Variants in SNRPA1 observed in about 807,000 individuals in gnomAD.
SNRPA1 encodes small nuclear ribonucleoprotein polypeptide A', also known as U2 small nuclear ribonucleoprotein A'.
Under a neutral mutation model 32.3 loss-of-function variants are expected in SNRPA1, and 5 were observed. The ratio of observed to expected loss-of-function variants is 0.15; its 90% CI spans 0.08 to 0.33. The LOEUF is 0.33. SNRPA1 is among the 10% of genes least tolerant of loss of function. The probability of loss-of-function intolerance (pLI) is 1.00; values close to 1 mark genes in which losing one functional copy is unlikely to be tolerated. For synonymous variants in SNRPA1, 111 were observed against 120.1 expected (o/e 0.92, Z 0.50); for missense variants, 198 against 311.1 (o/e 0.64, Z 2.74).
At position 101,284,037 on chromosome 15, in the gene SNRPA1, C is replaced by T. The variant is rs377409550; in HGVS notation, c.709+930G>A. On this transcript the variant is annotated intron_variant, in intron 8 of 8. Coordinates refer to ENST00000254193, the MANE Select transcript of SNRPA1 (RefSeq NM_003090.4). ...AGACGGCAGTCTGAGTGGCTGTCCC[C>T]AGTTACATTCATATCAAAACTTGTA... is the stretch of plus-strand genomic sequence containing the variant. Among the ~76,000 whole-genome samples, 235 of 152,374 alleles carry T rather than the reference C, an allele frequency of 1.5e-3. 1 individual carries two copies. The highest frequency in any genetic ancestry group is 9.5e-3 in the South Asian group (46 of 4,830).
At chr15:101,286,409 A>AC (rs1335832098) in intron 5 of SNRPA1, 116 bp from the exon 6 acceptor site, 1 of 785,660 alleles carries the variant, frequency 1.3e-6, no homozygotes, top group Non-Finnish European at 2.0e-6. Context: ...TGGTGAAAAT[A>AC]CCAAAAAGCA....
chr15:101,294,079 CA>C (rs2039559069), intron 1 of SNRPA1, among the ~76,000 whole-genome samples: 1 of 152,088 alleles, frequency 6.6e-6, no homozygotes, highest in Admixed American at 6.5e-5. Flanking sequence ...ACTAAAAATA[CA>C]AAAAATTAGC....
At position 101,295,226 on chromosome 15, in the gene SNRPA1, G is replaced by C; in HGVS notation, c.-48C>G. On this transcript the variant is annotated 5_prime_UTR_variant, in exon 1 of 9. Transcript: ENST00000254193. ...CGCTGTGGAAAGCCCGTGGCCTCCCGCCAGCGAGACGTCCCAGCGTGCCCC... is the reference window on the plus strand; with the variant it reads ...CGCTGTGGAAAGCCCGTGGCCTCCCCCCAGCGAGACGTCCCAGCGTGCCCC... The C allele has an allele frequency of 6.9e-7, 1 of 1,453,318 alleles. No homozygotes were observed. The highest frequency in any genetic ancestry group is 1.3e-5 in the South Asian group (1 of 75,824). 90.0% of individuals were successfully genotyped at this position (1,453,318 alleles called of 1,614,324 possible). A position where few individuals can be genotyped will look rare whatever the true frequency, so the allele number is the denominator to read the frequency against.
rs545635162 is a variant in SNRPA1 at position 101,287,584 on chromosome 15, T to A, written c.356+72A>T. 3.5e-4 allele frequency: 446 copies of A among 1,289,408 alleles called. 7 individuals are homozygous for A. In the East Asian group the frequency reaches 0.01, roughly 29 times the overall value. 79.9% of individuals were successfully genotyped at this position (1,289,408 alleles called of 1,614,324 possible). A position where few individuals can be genotyped will look rare whatever the true frequency, so the allele number is the denominator to read the frequency against. On this transcript the variant is annotated intron_variant, in intron 4 of 8. Transcript: ENST00000254193. Reference sequence around the variant, plus strand: ...CACATTTTTTAATTATCTGATTACATTAAGGTCAAGGCTGGTAAAAGTAAT... The same window carrying A: ...CACATTTTTTAATTATCTGATTACAATAAGGTCAAGGCTGGTAAAAGTAAT...
chr15:101,282,749 T>C (rs535595588), intron 8 of SNRPA1, among the ~76,000 whole-genome samples: 3 of 152,234 alleles, frequency 2.0e-5, no homozygotes, highest in Non-Finnish European at 4.4e-5. Flanking sequence ...TTAATTCACA[T>C]GCACATAACA....
intron 8 of SNRPA1, among the ~76,000 whole-genome samples, chr15:101,283,046 T>C (rs182418528): frequency 6.6e-6 from 1 of 152,270 alleles, no homozygotes; most frequent in East Asian, 1.9e-4. Context: ...CGAGGAGTGA[T>C]ATTTAATTAT....
intron 1 of SNRPA1, 85 bp from the exon 2 acceptor site, chr15:101,293,257 C>G (rs928364212): frequency 3.3e-6 from 3 of 907,704 alleles, no homozygotes; most frequent in Non-Finnish European, 4.9e-6. Context: ...TTCATAGTAT[C>G]TGACTCCAGG....
At chr15:101,284,922 G>A (rs775623329) in intron 8 of SNRPA1, 45 bp downstream of exon 8, 1 of 1,419,728 alleles carries the variant, frequency 7.0e-7, no homozygotes, top group Non-Finnish European at 1.0e-6. Flanking sequence ...GTTACACTCT[G>A]AGTGTAACAT....
chr15:101,286,866 C>A, intron 5 of SNRPA1, 42 bp downstream of exon 5: 1 of 991,772 alleles, frequency 1.0e-6, no homozygotes, highest in African/African-American at 1.6e-5. Context: ...AAGAAAAACA[C>A]ACAACTCTAT....
intron 1 of SNRPA1, among the ~76,000 whole-genome samples, chr15:101,294,381 T>C (rs761358343): frequency 3.9e-5 from 6 of 152,218 alleles, no homozygotes; most frequent in Admixed American, 6.5e-5. Context: ...CTCAGAGAAG[T>C]TGCTCTATCA....
At chr15:101,283,280 G>A in intron 8 of SNRPA1, among the ~76,000 whole-genome samples, 1 of 152,122 alleles carries the variant, frequency 6.6e-6, no homozygotes, top group Non-Finnish European at 1.5e-5. Flanking sequence ...CAGGCGCGGT[G>A]GCTCACGCCT....
In SNRPA1 at chr15:101,285,707, A is replaced by G. The variant is rs372595068; in HGVS notation, c.615+19T>C. The G allele has an allele frequency of 1.3e-6, 2 of 1,579,108 alleles. No individual in the cohort carries two copies. Among genetic ancestry groups the G allele is most frequent in the Non-Finnish European group, 1.7e-6 (2 of 1,148,224 alleles). ...CCATCTTAGCTCATTCCAGTCCAAG[A>G]ATCCTAACACATGATTACCTTGATT... On this transcript the variant is annotated intron_variant, in intron 7 of 8. Transcript: ENST00000254193.
chr15:101,292,743 T>G (rs1305325646), intron 2 of SNRPA1: 1 of 214,978 alleles, frequency 4.7e-6, no homozygotes, highest in Non-Finnish European at 9.1e-6. Context: ...AAAATAAAAA[T>G]ACATGATTTC....
chr15:101,294,371 C>T (rs542149255), intron 1 of SNRPA1, among the ~76,000 whole-genome samples: 1 of 152,356 alleles, frequency 6.6e-6, no homozygotes, highest in Non-Finnish European at 1.5e-5. Context: ...TGGTCTTATC[C>T]TCAGAGAAGT....
intron 4 of SNRPA1, among the ~76,000 whole-genome samples, 183 bp from the exon 5 acceptor site, chr15:101,287,193 T>A (rs866218516): frequency 5.3e-5 from 8 of 152,262 alleles, no homozygotes; most frequent in African/African-American, 1.7e-4. Flanking sequence ...CACTTTTTTT[T>A]TAAATTATAC....
At chr15:101,285,825 T>C in intron 6 of SNRPA1, 24 bp from the exon 7 acceptor site, 2 of 1,586,796 alleles carry the variant, frequency 1.3e-6, no homozygotes, top group East Asian at 4.5e-5. Flanking sequence ...AGAACATAAC[T>C]GTTAGACCTA....
chr15:101,294,241 C>A (rs1228773859), intron 1 of SNRPA1, among the ~76,000 whole-genome samples: 1 of 152,160 alleles, frequency 6.6e-6, no homozygotes, highest in African/African-American at 2.4e-5. Flanking sequence ...CATCTCAACA[C>A]AACACAACAC....
intron 3 of SNRPA1, among the ~76,000 whole-genome samples, chr15:101,290,297 C>T (rs1021048730): frequency 6.6e-6 from 1 of 152,184 alleles, no homozygotes; most frequent in South Asian, 2.1e-4. Flanking sequence ...GCCCAGTAGT[C>T]TTCATCTTTG....
chr15:101,295,083 G>GC lies in SNRPA1; in HGVS notation c.82+13dup. 2 of 1,456,498 alleles carry GC rather than the reference G, an allele frequency of 1.4e-6. No homozygotes were observed. The highest frequency in any genetic ancestry group is 9.1e-7 in the Non-Finnish European group (1 of 1,096,464). 90.2% of individuals were successfully genotyped at this position (1,456,498 alleles called of 1,614,324 possible). ...TGCCGCCTGGGGACTGGCCGCCCAC[G>GC]CCCCCGGACTCACCCCGGAGGTCCA... is the stretch of plus-strand genomic sequence containing the variant. On this transcript the variant is annotated intron_variant, in intron 1 of 8. Transcript: ENST00000254193.
Sources: allele counts gnomAD v4.1 joint callset (sites outside exome capture counted in the v4.1 genomes callset), GRCh38; gene constraint gnomAD v4.1.1; transcripts MANE v1.5; gene names NCBI Gene and HGNC (gene_info 2026-07-23, HGNC 2026-07-21).